Variants in WDR7 observed in about 807,000 individuals in gnomAD.
The protein encoded by WDR7 is WD repeat domain 7.
A neutral mutation model predicts 169.4 loss-of-function variants in WDR7; 46 were observed. The ratio of observed to expected loss-of-function variants is 0.27; its 90% confidence interval spans 0.21 to 0.35. The LOEUF (loss-of-function observed/expected upper bound fraction) is 0.35. WDR7 is among the 10% of genes least tolerant of loss of function. The probability of loss-of-function intolerance (pLI) is 1.00; values close to 1 mark genes in which losing one functional copy is unlikely to be tolerated. For synonymous variants in WDR7, 612 were observed against 666.8 expected (o/e 0.92, Z 1.27); for missense variants, 1,534 against 1,859.3 (o/e 0.83, Z 3.22).
intron 20 of WDR7, among the ~76,000 whole-genome samples, chr18:56,819,537 A>G (rs747867254): frequency 6.6e-6 from 1 of 152,170 alleles, no homozygotes; most frequent in Non-Finnish European, 1.5e-5. Context: ...TTTAAATTAT[A>G]TATCATAGAC....
intron 1 of WDR7, among the ~76,000 whole-genome samples, chr18:56,667,103 T>A (rs1404397568): frequency 6.6e-6 from 1 of 152,140 alleles, no homozygotes; most frequent in Admixed American, 6.5e-5. Flanking sequence ...GAGTTACAAT[T>A]TTTTAGAGAC....
In WDR7 at chr18:56,691,283, G is replaced by A; in HGVS notation, c.785G>A (p.Gly262Glu). 6.2e-7 allele frequency: 1 copy of A among 1,608,678 alleles called. No individual in the cohort carries two copies. The highest frequency in any genetic ancestry group is 8.5e-7 in the Non-Finnish European group (1 of 1,178,860). The change falls in exon 8 of 28, where the codon GGG becomes GAG. Residue 262 changes from glycine to glutamate, a missense_variant. Gly to Glu is a moderately conservative substitution (Grantham distance 98). Transcript: ENST00000254442. ...GPSENGQTWT[G>E]GDFVSSDKVI... Reference sequence around the variant, plus strand: ...AGTGAAAATGGACAGACATGGACCGGGGGGGACTTTGTCTCATCAGATAAA... The same window carrying A: ...AGTGAAAATGGACAGACATGGACCGAGGGGGACTTTGTCTCATCAGATAAA...
chr18:56,709,703 A>G (rs2026040542), intron 12 of WDR7, among the ~76,000 whole-genome samples: 2 of 152,184 alleles, frequency 1.3e-5, no homozygotes, highest in African/African-American at 4.8e-5. Flanking sequence ...TTAGTAGTCT[A>G]TTTCAAAGTA....
intron 16 of WDR7, among the ~76,000 whole-genome samples, chr18:56,759,670 T>C (rs1054220625): frequency 6.6e-6 from 1 of 152,172 alleles, no homozygotes; most frequent in African/African-American, 2.4e-5. Flanking sequence ...CTTCACAGAA[T>C]GTGATAGAGA....
rs546259052 is a variant in WDR7, at chr18:56,679,533, A to C, written c.266+95A>C. ...CGAGGTATTTTTTTTTTCTTTTAGA[A>C]TATCTCCTAAATAAATGCTTTGTAT... On this transcript the variant is annotated intron_variant, in intron 3 of 27. Transcript: ENST00000254442. The C allele has an allele frequency of 5.6e-6, 4 of 711,614 alleles. No individual in the cohort carries two copies. In the South Asian group the frequency reaches 8.0e-5, roughly 14 times the overall value. 44.1% of individuals were successfully genotyped at this position (711,614 alleles called of 1,614,324 possible). A position where few individuals can be genotyped will look rare whatever the true frequency, so the allele number is the denominator to read the frequency against.
intron 20 of WDR7, among the ~76,000 whole-genome samples, chr18:56,867,184 C>T (rs1183582890): frequency 6.6e-6 from 1 of 152,052 alleles, no homozygotes. Context: ...ACCACCACAC[C>T]TGGCTAATTT....
chr18:56,749,884 A>G (rs1182970767), intron 14 of WDR7, among the ~76,000 whole-genome samples: 1 of 151,604 alleles, frequency 6.6e-6, no homozygotes, highest in Non-Finnish European at 1.5e-5. Context: ...TAACCCTAGA[A>G]TATATTAAAA....
chr18:57,020,801 A>G lies in WDR7; in HGVS notation c.4221A>G (p.Arg1407=). 6.2e-7 allele frequency: 1 copy of G among 1,614,202 alleles called. No homozygotes were observed. The highest frequency in any genetic ancestry group is 2.2e-5 in the East Asian group (1 of 44,890). The change falls in exon 27 of 28, where the codon AGA becomes AGG. Residue 1407 remains arginine, a synonymous_variant. Coordinates refer to ENST00000254442, the MANE Select transcript of WDR7 (RefSeq NM_015285.3). ...CAGTGGCTTTTGCTCCTGATGGAAG[A>G]TATCTTGCCACCTACTCAAACACTG... ...ITAVAFAPDG[R]YLATYSNTDS...
Position 57,025,753 on chromosome 18 carries a change from G to A in WDR7, c.4270-1251G>A, listed in dbSNP as rs117013934. On this transcript the variant is annotated intron_variant, in intron 27 of 27. Transcript: ENST00000254442. ...CTCTGCTAGAGATGCCATGATTTAC[G>A]CCCTCTGACACCATCCTGCTGCTGA... Among the ~76,000 whole-genome samples, 11 of 152,260 alleles carry A rather than the reference G, an allele frequency of 7.2e-5. No individual in the cohort carries two copies. The East Asian group carries it at 1.2e-3, about 16-fold the overall frequency.
intron 14 of WDR7, among the ~76,000 whole-genome samples, chr18:56,746,752 A>G (rs2043710777): frequency 6.6e-6 from 1 of 152,016 alleles, no homozygotes; most frequent in African/African-American, 2.4e-5. Context: ...TTCCATCTCT[A>G]TTTCTCTGTA....
chr18:56,679,453 A>C lies in WDR7; in HGVS notation c.266+15A>C. 1.2e-5 allele frequency: 19 copies of C among 1,577,196 alleles called. No individual in the cohort carries two copies. Among genetic ancestry groups the C allele is most frequent in the Non-Finnish European group, 1.5e-5 (17 of 1,150,532 alleles). On this transcript the variant is annotated intron_variant, in intron 3 of 27. Transcript: ENST00000254442. Reference sequence around the variant, plus strand: ...TCTGAAAGTGGGTAAGTATTTTCTCATTTGCCTCTTTTTCTCATGAGTCTT... The same window carrying C: ...TCTGAAAGTGGGTAAGTATTTTCTCCTTTGCCTCTTTTTCTCATGAGTCTT...
At chr18:56,756,556 ACTAT>A in intron 14 of WDR7, 23 bp from the exon 15 acceptor site, 1 of 1,506,968 alleles carries the variant, frequency 6.6e-7, no homozygotes, top group Non-Finnish European at 8.9e-7. Flanking sequence ...TTTAATTATA[ACTAT>A]CTTTTAAAAA....
chr18:56,893,516 A>G (rs1390526947), intron 21 of WDR7, among the ~76,000 whole-genome samples: 1 of 152,022 alleles, frequency 6.6e-6, no homozygotes, highest in Non-Finnish European at 1.5e-5. Context: ...CTTAGAAAAC[A>G]CAATTTTTAA....
rs775924895 is a variant in WDR7, at chr18:56,702,056, TA to T, written c.1578+5595del. The stretch of plus-strand genomic sequence containing the variant: ...AATTAGCAAAATCTGAACTCTGGGA[TA>T]GGGGAGGCCAAGAGTGTACCAGTTG... On this transcript the variant is annotated intron_variant, in intron 12 of 27. Coordinates refer to ENST00000254442, the MANE Select transcript of WDR7 (RefSeq NM_015285.3). 1.1e-4 allele frequency among the ~76,000 whole-genome samples: 16 copies of T among 152,252 alleles called. No homozygotes were observed. The East Asian group carries it at 2.7e-3, about 26-fold the overall frequency.
chr18:56,855,489 C>T (rs182745337), intron 20 of WDR7, among the ~76,000 whole-genome samples: 274 of 152,154 alleles, frequency 1.8e-3, no homozygotes, highest in Middle Eastern at 6.8e-3. Flanking sequence ...TATTTTCATT[C>T]ATAAGTTTTA....
chr18:56,834,092 G>C (rs1391769208), intron 20 of WDR7, among the ~76,000 whole-genome samples: 1 of 152,170 alleles, frequency 6.6e-6, no homozygotes, highest in Non-Finnish European at 1.5e-5. Flanking sequence ...GAGGTCCTCA[G>C]CTCCTAGAGG....
chr18:56,726,682 A>G (rs1178262711), intron 13 of WDR7, among the ~76,000 whole-genome samples: 6 of 152,040 alleles, frequency 3.9e-5, no homozygotes, highest in Admixed American at 2.0e-4. Context: ...TAAATTACTG[A>G]GAAACAGTTT....
intron 21 of WDR7, among the ~76,000 whole-genome samples, chr18:56,914,480 C>T (rs2145611075): frequency 6.6e-6 from 1 of 152,278 alleles, no homozygotes; most frequent in South Asian, 2.1e-4. Context: ...TAGGATCATT[C>T]AGCTAATAGG....
intron 1 of WDR7, among the ~76,000 whole-genome samples, chr18:56,668,083 T>G (rs757973095): frequency 6.6e-6 from 1 of 152,278 alleles, no homozygotes; most frequent in South Asian, 2.1e-4. Context: ...GTTTTATCCC[T>G]CTCTGTTATA....
Sources: allele counts gnomAD v4.1 joint callset (sites outside exome capture counted in the v4.1 genomes callset), GRCh38; gene constraint gnomAD v4.1.1; transcripts MANE v1.5; gene names NCBI Gene and HGNC (gene_info 2026-07-23, HGNC 2026-07-21).